NEGR1: variants seen among roughly 807,000 people sequenced by gnomAD.
NEGR1 encodes IgLON family member 4.
In NEGR1, 10 loss-of-function variants were observed where a neutral mutation model predicts 40.9. The ratio of observed to expected loss-of-function variants is 0.24; its 90% CI spans 0.15 to 0.42. The LOEUF (loss-of-function observed/expected upper bound fraction) is 0.42. Among genes scored for constraint, NEGR1 ranks in the 10% least tolerant of loss-of-function variants. The pLI, the probability that NEGR1 is intolerant of heterozygous loss-of-function variation, is 1.00. For synonymous variants in NEGR1, 185 were observed against 166.8 expected (o/e 1.11, Z -0.84); for missense variants, 352 against 438.9 (o/e 0.80, Z 1.77).
chr1:72,185,835 A>G (rs1046926666), intron 1 of NEGR1, among the ~76,000 whole-genome samples: 1 of 151,800 alleles, frequency 6.6e-6, no homozygotes, highest in Non-Finnish European at 1.5e-5. Context: ...CCCGCACCCA[A>G]TGCAAATAAG....
chr1:71,695,261 A>C (rs1418845763), intron 4 of NEGR1, among the ~76,000 whole-genome samples: 1 of 151,788 alleles, frequency 6.6e-6, no homozygotes, highest in Non-Finnish European at 1.5e-5. Context: ...AACCAGTATT[A>C]AACAGTTTTT....
At chr1:72,021,349 C>T (rs1264594144) in intron 1 of NEGR1, among the ~76,000 whole-genome samples, 2 of 151,784 alleles carry the variant, frequency 1.3e-5, no homozygotes, top group Non-Finnish European at 1.5e-5. Flanking sequence ...ACTAAGTATC[C>T]AAATTTATAA....
At chr1:71,964,938 T>C (rs1646198279) in intron 1 of NEGR1, among the ~76,000 whole-genome samples, 2 of 152,128 alleles carry the variant, frequency 1.3e-5, no homozygotes, top group African/African-American at 4.8e-5. Flanking sequence ...GTTCTCTACC[T>C]AAGAATTTCC....
chr1:71,973,828 C>T (rs1207264758), intron 1 of NEGR1, among the ~76,000 whole-genome samples: 1 of 152,146 alleles, frequency 6.6e-6, no homozygotes, highest in Non-Finnish European at 1.5e-5. Flanking sequence ...AGTGTTGGTG[C>T]CTTGGCTTGT....
At chr1:71,788,048 AACTT>A (rs1656974241) in intron 2 of NEGR1, among the ~76,000 whole-genome samples, 1 of 152,252 alleles carries the variant, frequency 6.6e-6, no homozygotes, top group Admixed American at 6.6e-5. Flanking sequence ...TTCATCCAGA[AACTT>A]AATGATAAAA....
intron 1 of NEGR1, among the ~76,000 whole-genome samples, chr1:72,118,274 AC>A (rs1234488078): frequency 3.9e-5 from 6 of 151,930 alleles, no homozygotes; most frequent in African/African-American, 1.4e-4. Flanking sequence ...CAACTCTGGC[AC>A]CTACAAGCTG....
intron 2 of NEGR1, among the ~76,000 whole-genome samples, chr1:71,853,895 A>G (rs551351703): frequency 6.6e-6 from 1 of 152,308 alleles, no homozygotes; most frequent in South Asian, 2.1e-4. Flanking sequence ...TGTTTAGTTC[A>G]GAGCAAAATG....
In NEGR1 at chr1:71,946,715, G is replaced by A. The variant is rs145899033; in HGVS notation, c.177-11404C>T. Among the ~76,000 whole-genome samples the A allele has an allele frequency of 7.4e-3, 1,125 of 151,760 alleles. 22 individuals are homozygous for A. The highest frequency in any genetic ancestry group is 0.026 in the African/African-American group (1,080 of 41,340). On this transcript the variant is annotated intron_variant, in intron 1 of 6. Transcript: ENST00000357731. ...ATAAATTAGCATTAAAATATGTCTT[G>A]TGAACATACAAATCTAAGTGAAAAA...
chr1:72,174,087 T>A (rs1431929054), intron 1 of NEGR1, among the ~76,000 whole-genome samples: 3 of 152,166 alleles, frequency 2.0e-5, no homozygotes, highest in African/African-American at 4.8e-5. Flanking sequence ...TCGTTTGTTT[T>A]TTTTAAAAAA....
chr1:72,009,726 T>C (rs1433255745), intron 1 of NEGR1, among the ~76,000 whole-genome samples: 1 of 152,126 alleles, frequency 6.6e-6, no homozygotes, highest in East Asian at 1.9e-4. Context: ...AGCTGGGTAT[T>C]ATACACTGAT....
intron 1 of NEGR1, among the ~76,000 whole-genome samples, chr1:72,076,905 T>G (rs1272986985): frequency 6.8e-6 from 1 of 148,126 alleles, no homozygotes; most frequent in Non-Finnish European, 1.5e-5. Context: ...TTTTTTTTTT[T>G]TTTTTTGGAA....
chr1:71,947,895 G>A (rs893521137), intron 1 of NEGR1, among the ~76,000 whole-genome samples: 5 of 152,090 alleles, frequency 3.3e-5, no homozygotes, highest in African/African-American at 1.2e-4. Flanking sequence ...GCTGTATTTG[G>A]TATATTTTTC....
intron 1 of NEGR1, among the ~76,000 whole-genome samples, chr1:72,164,745 A>G (rs1354622620): frequency 6.6e-6 from 1 of 151,706 alleles, no homozygotes; most frequent in East Asian, 1.9e-4. Context: ...TTCCTTTATC[A>G]TTATAGAAAG....
intron 2 of NEGR1, among the ~76,000 whole-genome samples, chr1:71,912,443 A>G (rs1403502938): frequency 6.6e-6 from 1 of 152,154 alleles, no homozygotes; most frequent in East Asian, 1.9e-4. Context: ...AGAAACTTTC[A>G]TTTCATCCGT....
chr1:72,141,376 T>C (rs1359737475), intron 1 of NEGR1, among the ~76,000 whole-genome samples: 1 of 152,010 alleles, frequency 6.6e-6, no homozygotes, highest in Non-Finnish European at 1.5e-5. Context: ...TGGTATGAAT[T>C]TATACCAGGG....
At position 71,873,011 on chromosome 1, in the gene NEGR1, A is replaced by G. The variant is rs975979419; in HGVS notation, c.409+62068T>C. On this transcript the variant is annotated intron_variant, in intron 2 of 6. Coordinates refer to ENST00000357731, the MANE Select transcript of NEGR1 (RefSeq NM_173808.3). ...TTCACACTCAAAAACAAAATGACCTATATTTTATGACTCAGACATACTATT... is the reference window on the plus strand; with the variant it reads ...TTCACACTCAAAAACAAAATGACCTGTATTTTATGACTCAGACATACTATT... Among the ~76,000 whole-genome samples the G allele has an allele frequency of 4.0e-5, 6 of 150,942 alleles. 1 individual carries two copies. Among genetic ancestry groups the G allele is most frequent in the African/African-American group, 1.2e-4 (5 of 41,064 alleles).
At chr1:71,768,751 A>G (rs896460041) in intron 3 of NEGR1, among the ~76,000 whole-genome samples, 1 of 152,292 alleles carries the variant, frequency 6.6e-6, no homozygotes, top group African/African-American at 2.4e-5. Context: ...CTCAAGTCTC[A>G]TGTGAATTGT....
intron 2 of NEGR1, among the ~76,000 whole-genome samples, chr1:71,858,790 T>C (rs1229050843): frequency 3.3e-5 from 5 of 152,132 alleles, no homozygotes; most frequent in Non-Finnish European, 7.4e-5. Context: ...TTTCAAAATA[T>C]CATTTAATTG....
chr1:71,958,201 G>A (rs1293824061), intron 1 of NEGR1, among the ~76,000 whole-genome samples: 2 of 152,152 alleles, frequency 1.3e-5, no homozygotes, highest in Non-Finnish European at 2.9e-5. Context: ...GAAATTTAAT[G>A]CCTTGTAGCC....
Sources: allele counts gnomAD v4.1 joint callset (sites outside exome capture counted in the v4.1 genomes callset), GRCh38; gene constraint gnomAD v4.1.1; transcripts MANE v1.5; gene names NCBI Gene and HGNC (gene_info 2026-07-23, HGNC 2026-07-21).